The following TLL2 variants were observed in gnomAD, a reference collection of about 807,000 sequenced individuals.
TLL2 encodes tolloid like 2.
A neutral mutation model predicts 123.0 loss-of-function variants in TLL2; 106 were observed. The observed-to-expected ratio is 0.86, with a 90% confidence interval of 0.74 to 1.01. The LOEUF is 1.01. Ranked by LOEUF, TLL2 falls within the 50% of genes least tolerant of loss-of-function variation. TLL2 has a pLI of 0.00. For synonymous variants in TLL2, 494 were observed against 516.8 expected (o/e 0.96, Z 0.60); for missense variants, 1,332 against 1,336.7 (o/e 1.00, Z 0.06).
In TLL2 at chr10:96,396,017, G is replaced by A. The variant is rs181743351; in HGVS notation, c.1388C>T (p.Thr463Ile). 117 of 1,614,022 alleles carry A rather than the reference G, an allele frequency of 7.2e-5. No homozygotes were observed. The highest frequency in any genetic ancestry group is 5.7e-4 in the African/African-American group (43 of 75,032). ...ATCTTTGTTCATGTCTCCCCCGCAG[G>A]TAGCTTTAGAAAGAGACATCAGGAG... ...GKGFFAAYEA[T>I]CGGDMNKDAG... The change falls in exon 12 of 21, where the codon ACC (threonine) becomes ATC (isoleucine). Residue 463 changes from threonine to isoleucine, a missense_variant. Physicochemically the swap from Thr to Ile is moderately conservative, Grantham distance 89. Coordinates refer to ENST00000357947, the MANE Select transcript of TLL2 (RefSeq NM_012465.4).
At chr10:96,493,437 G>T (rs1190228788) in intron 1 of TLL2, among the ~76,000 whole-genome samples, 2 of 152,302 alleles carry the variant, frequency 1.3e-5, no homozygotes, top group Non-Finnish European at 2.9e-5. Context: ...ATGTGCAAAG[G>T]CCCTGGGGTG....
intron 16 of TLL2, among the ~76,000 whole-genome samples, chr10:96,381,685 C>G: frequency 6.6e-6 from 1 of 152,202 alleles, no homozygotes; most frequent in East Asian, 1.9e-4. Flanking sequence ...CCACAGTGCT[C>G]CAGGCTGGGA....
At chr10:96,379,493 C>T (rs1205141878) in intron 16 of TLL2, among the ~76,000 whole-genome samples, 1 of 152,216 alleles carries the variant, frequency 6.6e-6, no homozygotes, top group East Asian at 1.9e-4. Context: ...CTCATCCAAC[C>T]TTAGCAGGGA....
At chr10:96,506,024 C>T (rs922739047) in intron 1 of TLL2, among the ~76,000 whole-genome samples, 9 of 151,880 alleles carry the variant, frequency 5.9e-5, no homozygotes, top group South Asian at 4.2e-4. Flanking sequence ...GAGGCTGAGG[C>T]GGGTGGATCA....
At chr10:96,406,260 G>A (rs758195926) in intron 9 of TLL2, among the ~76,000 whole-genome samples, 8 of 152,034 alleles carry the variant, frequency 5.3e-5, no homozygotes, top group Non-Finnish European at 1.0e-4. Flanking sequence ...GATTTCCCCT[G>A]GCCTTTCACC....
At chr10:96,479,882 C>CT (rs1207748884) in intron 2 of TLL2, among the ~76,000 whole-genome samples, 1 of 152,192 alleles carries the variant, frequency 6.6e-6, no homozygotes, top group African/African-American at 2.4e-5. Context: ...CTGAAGAGCC[C>CT]TTTTTTCCTA....
chr10:96,428,581 T>G, intron 5 of TLL2, 50 bp downstream of exon 5: 7 of 1,207,442 alleles, frequency 5.8e-6, no homozygotes, highest in Non-Finnish European at 8.6e-6. Context: ...TCAACACTCA[T>G]GAGCCATCCG....
At chr10:96,391,372 C>T (rs1314631421) in intron 13 of TLL2, among the ~76,000 whole-genome samples, 1 of 152,212 alleles carries the variant, frequency 6.6e-6, no homozygotes, top group Non-Finnish European at 1.5e-5. Context: ...GGACCAGCAC[C>T]TCAAACTCCA....
intron 1 of TLL2, among the ~76,000 whole-genome samples, chr10:96,501,597 T>C (rs1214700502): frequency 3.3e-5 from 5 of 152,234 alleles, no homozygotes; most frequent in African/African-American, 1.2e-4. Flanking sequence ...AATCCTGTCA[T>C]TACCATTCTG....
intron 2 of TLL2, among the ~76,000 whole-genome samples, chr10:96,470,680 T>C (rs899343015): frequency 6.6e-6 from 1 of 152,184 alleles, no homozygotes; most frequent in African/African-American, 2.4e-5. Context: ...ACAGGGCCTC[T>C]GACACTTCAA....
Position 96,480,425 on chromosome 10 carries a change from A to C in TLL2, c.210T>G (p.Asp70Glu), listed in dbSNP as rs1465820013. Residue 70 changes from aspartate (D) to glutamate (E), a missense_variant, in exon 2 of 21, where the codon GAT (aspartate) becomes GAG (glutamate). By Grantham distance (45) the Asp-to-Glu change is conservative. Coordinates refer to ENST00000357947, the MANE Select transcript of TLL2 (RefSeq NM_012465.4). ...TGTCAATGTGAAACAGCTTCAAGTCATCTTCATCTAAGGCAATGTCTCCCC... is the reference window on the plus strand; with the variant it reads ...TGTCAATGTGAAACAGCTTCAAGTCCTCTTCATCTAAGGCAATGTCTCCCC... ...VFWGDIALDEDDLKLFHIDKA... is the reference protein window; with the variant it reads ...VFWGDIALDEEDLKLFHIDKA... 5 of 1,614,074 alleles carry C rather than the reference A, an allele frequency of 3.1e-6. No individual in the cohort carries two copies. The highest frequency in any genetic ancestry group is 4.2e-6 in the Non-Finnish European group (5 of 1,180,038).
rs1846703306 is a variant in TLL2, at chr10:96,428,671, C to T, written c.598G>A (p.Asp200Asn). ...HTCVTFIERTDEESFIVFSYR... is the reference protein window; with the variant it reads ...HTCVTFIERTNEESFIVFSYR... ...CTGAATACAATAAAGCTTTCCTCATCCGTCCTTTCTATGAAGGTCACACAG... is the reference window on the plus strand; with the variant it reads ...CTGAATACAATAAAGCTTTCCTCATTCGTCCTTTCTATGAAGGTCACACAG... Residue 200 changes from aspartate to asparagine, a missense_variant, in exon 5 of 21, where the codon GAT becomes AAT. By Grantham distance (23) the Asp-to-Asn change is conservative (BLOSUM62 1). Coordinates refer to ENST00000357947, the MANE Select transcript of TLL2 (RefSeq NM_012465.4). 6.2e-7 allele frequency: 1 copy of T among 1,613,990 alleles called. No individual in the cohort carries two copies. The highest frequency in any genetic ancestry group is 8.5e-7 in the Non-Finnish European group (1 of 1,179,984).
intron 10 of TLL2, 140 bp downstream of exon 10, chr10:96,405,092 T>C (rs956530288): frequency 2.8e-6 from 2 of 726,578 alleles, no homozygotes; most frequent in African/African-American, 1.8e-5. Context: ...TGTGGCCAAA[T>C]GGAGTGCTCA....
intron 3 of TLL2, among the ~76,000 whole-genome samples, chr10:96,433,871 G>T (rs1012401758): frequency 6.6e-6 from 1 of 152,242 alleles, no homozygotes; most frequent in African/African-American, 2.4e-5. Context: ...CACCTCCCGG[G>T]TTCAAGCGAT....
chr10:96,388,475 T>C (rs1349117209), intron 13 of TLL2, among the ~76,000 whole-genome samples: 2 of 152,168 alleles, frequency 1.3e-5, no homozygotes, highest in Non-Finnish European at 2.9e-5. Context: ...ATTAAGAACA[T>C]CTATGAGTTG....
chr10:96,422,511 C>T lies in TLL2; in HGVS notation c.817+38G>A, dbSNP rs569732788. The T allele has an allele frequency of 1.6e-5, 26 of 1,610,180 alleles. No individual in the cohort carries two copies. In the African/African-American group the frequency reaches 2.3e-4, roughly 14 times the overall value. ...CCTGTCCCTGAGGTTGCCACCTTCTCGACCGGTGCCTTCCAGACTCCACAC... is the reference window on the plus strand; with the variant it reads ...CCTGTCCCTGAGGTTGCCACCTTCTTGACCGGTGCCTTCCAGACTCCACAC... On this transcript the variant is annotated intron_variant, in intron 6 of 20. Coordinates refer to ENST00000357947, the MANE Select transcript of TLL2 (RefSeq NM_012465.4).
intron 9 of TLL2, among the ~76,000 whole-genome samples, chr10:96,405,639 G>A (rs575314877): frequency 5.3e-5 from 8 of 152,320 alleles, no homozygotes; most frequent in Admixed American, 2.0e-4. Context: ...TGGCCAGGGC[G>A]CATGGAGACG....
intron 2 of TLL2, among the ~76,000 whole-genome samples, chr10:96,465,034 A>G (rs1344317355): frequency 1.3e-5 from 2 of 152,250 alleles, no homozygotes; most frequent in Non-Finnish European, 1.5e-5. Flanking sequence ...ATTAGGTCAT[A>G]GAAAGAGTAG....
intron 9 of TLL2, among the ~76,000 whole-genome samples, chr10:96,406,516 C>T (rs1380418248): frequency 6.6e-6 from 1 of 152,164 alleles, no homozygotes; most frequent in Non-Finnish European, 1.5e-5. Context: ...TGCCCCTCCA[C>T]TAGCCACTTC....
Sources: allele counts gnomAD v4.1 joint callset (sites outside exome capture counted in the v4.1 genomes callset), GRCh38; gene constraint gnomAD v4.1.1; transcripts MANE v1.5; gene names NCBI Gene and HGNC (gene_info 2026-07-23, HGNC 2026-07-21).